DCC: variants seen among roughly 807,000 people sequenced by gnomAD.
DCC encodes DCC netrin 1 receptor, also known as netrin receptor DCC.
DCC carries 58 observed loss-of-function variants against 172.5 expected under a neutral mutation model. That is an observed-to-expected ratio of 0.34 (90% CI 0.27 to 0.42). The LOEUF (loss-of-function observed/expected upper bound fraction) is 0.42. Ranked by LOEUF, DCC falls within the 10% of genes least tolerant of loss-of-function variation. DCC has a pLI of 1.00. For synonymous variants in DCC, 709 were observed against 644.5 expected, an observed-to-expected ratio of 1.10 and a Z score of -1.52; for missense variants, 1,740 against 1,791.0, an observed-to-expected ratio of 0.97 and a Z score of 0.51.
intron 7 of DCC, among the ~76,000 whole-genome samples, chr18:53,155,275 A>C (rs987198302): frequency 3.3e-5 from 5 of 152,318 alleles, no homozygotes; most frequent in African/African-American, 1.2e-4. Flanking sequence ...GTCGCTATAC[A>C]AAGTGAATGC....
intron 12 of DCC, among the ~76,000 whole-genome samples, chr18:53,264,651 G>A (rs1348432780): frequency 6.6e-6 from 1 of 151,982 alleles, no homozygotes; most frequent in Non-Finnish European, 1.5e-5. Flanking sequence ...TGGAAAAGGT[G>A]GTATCAGTCT....
At chr18:53,398,726 T>C (rs1439997700) in intron 18 of DCC, among the ~76,000 whole-genome samples, 1 of 152,132 alleles carries the variant, frequency 6.6e-6, no homozygotes, top group Non-Finnish European at 1.5e-5. Context: ...ATGCACCCTA[T>C]TGATTTCTCA....
intron 1 of DCC, among the ~76,000 whole-genome samples, chr18:52,622,009 T>G (rs2034489673): frequency 6.6e-6 from 1 of 152,176 alleles, no homozygotes; most frequent in Non-Finnish European, 1.5e-5. Context: ...TAAGAATTTA[T>G]TTGCATTCCG....
intron 1 of DCC, among the ~76,000 whole-genome samples, chr18:52,621,505 G>C (rs545742092): frequency 6.6e-6 from 1 of 152,132 alleles, no homozygotes; most frequent in African/African-American, 2.4e-5. Context: ...CTTTCTACCC[G>C]GAGCTTACAA....
intron 2 of DCC, among the ~76,000 whole-genome samples, chr18:52,785,304 T>G (rs539285554): frequency 1.3e-5 from 2 of 152,188 alleles, no homozygotes; most frequent in South Asian, 4.1e-4. Flanking sequence ...CCCAGTTTGC[T>G]TGTCTGTCTG....
At position 52,847,598 on chromosome 18, in the gene DCC, C is replaced by A. The variant is rs543247423; in HGVS notation, c.413-58446C>A. Among the ~76,000 whole-genome samples, 5 of 152,300 alleles carry A rather than the reference C, an allele frequency of 3.3e-5. No individual in the cohort carries two copies. The South Asian group carries it at 1.0e-3, about 32-fold the overall frequency. On this transcript the variant is annotated intron_variant, in intron 2 of 28. Coordinates refer to ENST00000442544, the MANE Select transcript of DCC (RefSeq NM_005215.4). Reference sequence around the variant, plus strand: ...GTATATAAAGATCGTACCATCACTTCGTCTCTGTAACCACGTTCCCTCCCT... The same window carrying A: ...GTATATAAAGATCGTACCATCACTTAGTCTCTGTAACCACGTTCCCTCCCT...
intron 12 of DCC, among the ~76,000 whole-genome samples, chr18:53,245,822 G>A (rs769718527): frequency 3.2e-4 from 49 of 152,002 alleles, no homozygotes; most frequent in Admixed American, 6.6e-5. Flanking sequence ...CTATGCAAAC[G>A]TCAAGGTCAC....
chr18:52,936,654 A>T (rs2040385471), intron 5 of DCC, among the ~76,000 whole-genome samples: 1 of 151,716 alleles, frequency 6.6e-6, no homozygotes, highest in African/African-American at 2.4e-5. Context: ...AATCTAAGCA[A>T]GGTGAATTGA....
chr18:53,049,203 A>C (rs913560139), intron 5 of DCC, among the ~76,000 whole-genome samples: 37 of 151,774 alleles, frequency 2.4e-4, no homozygotes, highest in African/African-American at 8.9e-4. Context: ...TCCATTTCTC[A>C]ATTTTTGTTT....
At chr18:53,057,315 C>G (rs184283131) in intron 5 of DCC, among the ~76,000 whole-genome samples, 1 of 152,072 alleles carries the variant, frequency 6.6e-6, no homozygotes, top group Non-Finnish European at 1.5e-5. Flanking sequence ...AACTTTTACC[C>G]AAATTTAAGG....
In DCC at chr18:53,168,726, A is replaced by G. The variant is rs115424614; in HGVS notation, c.1419-10236A>G. The stretch of plus-strand genomic sequence containing the variant: ...CCAGAACTTAAAGTGTAATAAAAAG[A>G]AATGAAAGGAAAAGGAAAAGCAAAA... On this transcript the variant is annotated intron_variant, in intron 8 of 28. Transcript: ENST00000442544. 6.8e-3 allele frequency among the ~76,000 whole-genome samples: 1,037 copies of G among 152,294 alleles called. 16 individuals are homozygous for G. The highest frequency in any genetic ancestry group is 0.023 in the African/African-American group (963 of 41,566).
intron 2 of DCC, among the ~76,000 whole-genome samples, chr18:52,813,627 T>G (rs965053703): frequency 6.6e-6 from 1 of 152,194 alleles, no homozygotes; most frequent in African/African-American, 2.4e-5. Context: ...GCCCAGATAT[T>G]TGGCCAGACA....
At chr18:52,782,018 T>A (rs928933438) in intron 2 of DCC, among the ~76,000 whole-genome samples, 2 of 152,122 alleles carry the variant, frequency 1.3e-5, no homozygotes, top group Non-Finnish European at 2.9e-5. Context: ...AAGAAAATAA[T>A]TTCTGAATGA....
At chr18:53,484,274 G>T (rs529103780) in intron 25 of DCC, among the ~76,000 whole-genome samples, 2 of 151,390 alleles carry the variant, frequency 1.3e-5, no homozygotes, top group African/African-American at 4.8e-5. Flanking sequence ...TTTCTAGGAG[G>T]TTCACAATAA....
intron 1 of DCC, among the ~76,000 whole-genome samples, chr18:52,492,569 A>T (rs2076301782): frequency 6.6e-6 from 1 of 151,914 alleles, no homozygotes; most frequent in South Asian, 2.1e-4. Flanking sequence ...GAGTTTCATG[A>T]TTTCTCCTTG....
intron 1 of DCC, among the ~76,000 whole-genome samples, chr18:52,671,069 C>A (rs11082936): frequency 0.89 from 134,918 of 152,182 alleles, 60,039 homozygotes; most frequent in Non-Finnish European, 0.92. Context: ...AAGTCATAAC[C>A]GAGCTTATAT....
intron 2 of DCC, among the ~76,000 whole-genome samples, chr18:52,901,965 T>C (rs2039816290): frequency 6.6e-6 from 1 of 152,226 alleles, no homozygotes; most frequent in Non-Finnish European, 1.5e-5. Context: ...GGTGGAGTGA[T>C]GATTTCCAGT....
chr18:52,471,020 G>A (rs1049018891), intron 1 of DCC, among the ~76,000 whole-genome samples: 3 of 152,178 alleles, frequency 2.0e-5, no homozygotes, highest in African/African-American at 7.2e-5. Flanking sequence ...GATTATGTGA[G>A]TTCTAGTCTA....
intron 21 of DCC, among the ~76,000 whole-genome samples, chr18:53,423,028 C>T (rs1428060467): frequency 6.6e-6 from 1 of 151,938 alleles, no homozygotes; most frequent in African/African-American, 2.4e-5. Flanking sequence ...TATCATGTTC[C>T]CAGCAAGCAG....
Sources: gnomAD v4.1 joint callset for allele counts (sites outside exome capture counted in the v4.1 genomes callset) on GRCh38, gnomAD v4.1.1 for gene constraint, MANE v1.5 for transcripts, NCBI Gene and HGNC (gene_info 2026-07-23, HGNC 2026-07-21) for gene names.